Variants in FILIP1L observed in about 807,000 individuals in gnomAD.
FILIP1L encodes filamin A interacting protein 1 like, also known as filamin A-interacting protein 1-like.
A neutral mutation model predicts 96.6 loss-of-function variants in FILIP1L; 55 were observed. The observed-to-expected ratio is 0.57, with a 90% confidence interval of 0.46 to 0.71. The LOEUF is 0.71. FILIP1L is among the 30% of genes least tolerant of loss of function. The pLI is 0.00. For synonymous variants in FILIP1L, 467 were observed against 473.9 expected, an observed-to-expected ratio of 0.99 and a Z score of 0.19; for missense variants, 1,304 against 1,321.2, an observed-to-expected ratio of 0.99 and a Z score of 0.20.
chr3:99,890,448 T>C (rs763092779), intron 4 of FILIP1L, among the ~76,000 whole-genome samples: 2 of 152,140 alleles, frequency 1.3e-5, no homozygotes, highest in Non-Finnish European at 2.9e-5. Flanking sequence ...ATATGGCTTC[T>C]GAACAGTTTT....
At chr3:99,937,960 A>G (rs1707733103) in intron 1 of FILIP1L, among the ~76,000 whole-genome samples, 1 of 152,252 alleles carries the variant, frequency 6.6e-6, no homozygotes, top group Non-Finnish European at 1.5e-5. Context: ...GTAAAGGTGA[A>G]TTAAGGTGGA....
intron 3 of FILIP1L, among the ~76,000 whole-genome samples, chr3:99,927,750 A>G (rs1026052602): frequency 3.9e-5 from 6 of 152,316 alleles, no homozygotes; most frequent in South Asian, 4.2e-4. Flanking sequence ...GTTCTGATAT[A>G]GAACCCTAGG....
At chr3:99,906,942 T>C (rs1706637180) in intron 4 of FILIP1L, among the ~76,000 whole-genome samples, 1 of 152,260 alleles carries the variant, frequency 6.6e-6, no homozygotes, top group Non-Finnish European at 1.5e-5. Context: ...CAACTCTGAA[T>C]GGTTTCATGG....
intron 4 of FILIP1L, among the ~76,000 whole-genome samples, chr3:99,857,359 C>T (rs905268787): frequency 1.3e-5 from 2 of 152,214 alleles, no homozygotes; most frequent in Admixed American, 6.5e-5. Flanking sequence ...CTTCAGATCC[C>T]TGCATTAGAA....
chr3:99,950,914 G>A (rs1708157861), intron 1 of FILIP1L, among the ~76,000 whole-genome samples: 4 of 152,180 alleles, frequency 2.6e-5, no homozygotes, highest in Admixed American at 2.6e-4. Context: ...AGTAGCTGGA[G>A]GGAGGGGAAG....
At chr3:100,020,449 G>A (rs1172403573) in intron 1 of FILIP1L, among the ~76,000 whole-genome samples, 1 of 152,100 alleles carries the variant, frequency 6.6e-6, no homozygotes, top group Non-Finnish European at 1.5e-5. Flanking sequence ...GAAAATACAT[G>A]CTGTCAGCCT....
At chr3:100,019,669 T>C (rs767864125) in intron 1 of FILIP1L, among the ~76,000 whole-genome samples, 1 of 152,222 alleles carries the variant, frequency 6.6e-6, no homozygotes, top group Non-Finnish European at 1.5e-5. Flanking sequence ...TCCTTTTCTA[T>C]GTAAAACTCT....
intron 5 of FILIP1L, among the ~76,000 whole-genome samples, chr3:99,831,497 T>C (rs1942668793): frequency 6.6e-6 from 1 of 152,216 alleles, no homozygotes; most frequent in Non-Finnish European, 1.5e-5. Context: ...AGGAAACAAC[T>C]TGGAGATCAG....
At chr3:99,838,403 T>C (rs986461620) in intron 5 of FILIP1L, among the ~76,000 whole-genome samples, 1 of 152,152 alleles carries the variant, frequency 6.6e-6, no homozygotes. Flanking sequence ...AGGCGAGCAT[T>C]GATACAGACC....
chr3:99,924,881 G>C (rs1417989866), intron 3 of FILIP1L, among the ~76,000 whole-genome samples: 1 of 152,026 alleles, frequency 6.6e-6, no homozygotes, highest in African/African-American at 2.4e-5. Context: ...GATACTTTTG[G>C]GTGCATTTCA....
intron 5 of FILIP1L, among the ~76,000 whole-genome samples, chr3:99,846,469 C>T (rs1051244494): frequency 3.3e-5 from 5 of 152,152 alleles, no homozygotes; most frequent in African/African-American, 9.7e-5. Flanking sequence ...TTTGCCATTC[C>T]TTCTAGAGTT....
intron 1 of FILIP1L, among the ~76,000 whole-genome samples, chr3:100,020,657 A>C (rs2064794453): frequency 6.6e-6 from 1 of 152,158 alleles, no homozygotes; most frequent in Non-Finnish European, 1.5e-5. Context: ...AAGTTCTTAA[A>C]AAGTGTTTAT....
chr3:99,927,192 T>C (rs965871958), intron 3 of FILIP1L, among the ~76,000 whole-genome samples: 1 of 152,232 alleles, frequency 6.6e-6, no homozygotes, highest in African/African-American at 2.4e-5. Context: ...AAACTTTCCC[T>C]ATACATGAGC....
At chr3:99,915,559 C>A (rs760682079) in intron 4 of FILIP1L, among the ~76,000 whole-genome samples, 2 of 152,056 alleles carry the variant, frequency 1.3e-5, no homozygotes, top group Non-Finnish European at 2.9e-5. Context: ...TTTCATAATA[C>A]CACCAAACTA....
intron 1 of FILIP1L, among the ~76,000 whole-genome samples, chr3:100,041,718 T>C (rs1189239458): frequency 6.6e-6 from 1 of 152,150 alleles, no homozygotes; most frequent in African/African-American, 2.4e-5. Flanking sequence ...TGGCTATGAG[T>C]GAAATGGAGG....
intron 3 of FILIP1L, among the ~76,000 whole-genome samples, chr3:99,928,514 G>A (rs1255939794): frequency 2.0e-5 from 3 of 152,166 alleles, no homozygotes; most frequent in Non-Finnish European, 4.4e-5. Context: ...ACTTTCAGGG[G>A]CACCTTACAG....
chr3:99,930,912 C>G lies in FILIP1L; in HGVS notation c.109G>C (p.Asp37His). Residue 37 changes from aspartate (D) to histidine (H), a missense_variant, in exon 2 of 6, where the codon GAC becomes CAC. Physicochemically the swap from Asp to His is moderately conservative, Grantham distance 81. Coordinates refer to ENST00000477258, the MANE Select transcript of FILIP1L (RefSeq NM_001387850.1). ...TCCGACTCACTGGGGGAGTCTTTGT[C>G]TTGCTGTCTATGCTTCATGTTTTTA... is the stretch of plus-strand genomic sequence containing the variant. Reference protein sequence around the residue: ...GPKNMKHRQQDKDSPSESDVI... With the variant: ...GPKNMKHRQQHKDSPSESDVI... The G allele has an allele frequency of 6.2e-7, 1 of 1,613,524 alleles. No individual in the cohort carries two copies. The highest frequency in any genetic ancestry group is 8.5e-7 in the Non-Finnish European group (1 of 1,179,906).
chr3:99,954,973 T>A (rs1223400705), intron 1 of FILIP1L, among the ~76,000 whole-genome samples: 1 of 152,166 alleles, frequency 6.6e-6, no homozygotes, highest in African/African-American at 2.4e-5. Flanking sequence ...AATAGAAAAA[T>A]CCTGCCATTC....
chr3:99,861,788 C>A (rs1944271829), intron 4 of FILIP1L, among the ~76,000 whole-genome samples: 1 of 152,108 alleles, frequency 6.6e-6, no homozygotes, highest in African/African-American at 2.4e-5. Context: ...AGAGGCAGGG[C>A]AGGGCAGTGC....
Sources: gnomAD v4.1 joint callset for allele counts (sites outside exome capture counted in the v4.1 genomes callset) on GRCh38, gnomAD v4.1.1 for gene constraint, MANE v1.5 for transcripts, NCBI Gene and HGNC (gene_info 2026-07-23, HGNC 2026-07-21) for gene names.